Variants in STRN4 observed in about 807,000 individuals in gnomAD.
STRN4 encodes striatin 4, also known as striatin-4.
STRN4 carries 27 observed loss-of-function variants against 77.9 expected under a neutral mutation model. The observed-to-expected ratio is 0.35, with a 90% CI of 0.26 to 0.48. STRN4 has a LOEUF of 0.48. Among genes scored for constraint, STRN4 ranks in the 20% least tolerant of loss-of-function variants. The pLI, the probability that STRN4 is intolerant of heterozygous loss-of-function variation, is 0.99. For synonymous variants in STRN4, 466 were observed against 443.1 expected, an observed-to-expected ratio of 1.05 and a Z score of -0.65; for missense variants, 798 against 1,049.7, an observed-to-expected ratio of 0.76 and a Z score of 3.31.
chr19:46,727,443 A>G lies in STRN4; in HGVS notation c.1248+9T>C. ...TGGGGACAGTGTGGGGGGCACCCGGAGAACTTACATCGCAGCTGAGGTCGT... is the reference window on the plus strand; with the variant it reads ...TGGGGACAGTGTGGGGGGCACCCGGGGAACTTACATCGCAGCTGAGGTCGT... On this transcript the variant is annotated intron_variant, in intron 9 of 17. Transcript: ENST00000263280. The G allele has an allele frequency of 6.2e-7, 1 of 1,612,162 alleles. No individual in the cohort carries two copies. Among genetic ancestry groups the G allele is most frequent in the South Asian group, 1.1e-5 (1 of 90,878 alleles).
At chr19:46,744,549 A>G (rs561680355) in intron 1 of STRN4, among the ~76,000 whole-genome samples, 1 of 151,964 alleles carries the variant, frequency 6.6e-6, no homozygotes, top group Non-Finnish European at 1.5e-5. Context: ...ACACCCGGCT[A>G]ATTTTTGTAC....
chr19:46,736,315 T>A (rs2054361461), intron 4 of STRN4: 2 of 152,244 alleles, frequency 1.3e-5, no homozygotes, highest in Middle Eastern at 3.4e-3. Context: ...AAGAATTTGC[T>A]GGTCCAAACA....
rs745682708 is a variant in STRN4, at chr19:46,741,649, G to A, written c.283-2761C>T. On this transcript the variant is annotated intron_variant, in intron 1 of 17. Transcript: ENST00000263280. This position sits in a 1 kb window ranked among gnomAD's most constrained non-coding sequence, Gnocchi z 4.9. ...ACTGCCACTCCCTCTAGCCAGAGCC[G>A]CAGAGCATGCGCTCCCAAAACCTTC... is the stretch of plus-strand genomic sequence containing the variant. Among the ~76,000 whole-genome samples the A allele has an allele frequency of 1.3e-5, 2 of 152,184 alleles. No homozygotes were observed. Among genetic ancestry groups the A allele is most frequent in the Admixed American group, 6.5e-5 (1 of 15,270 alleles).
chr19:46,736,385 CCCCACTT>C (rs1284838224), intron 4 of STRN4: 1 of 153,248 alleles, frequency 6.5e-6, no homozygotes, highest in African/African-American at 2.4e-5. Context: ...TCTGCCTTCT[CCCCACTT>C]CCCACTACTG....
In STRN4 at chr19:46,719,879, C is replaced by T. The variant is rs1425290814; in HGVS notation, c.*526G>A. 2 of 152,198 alleles carry T rather than the reference C, an allele frequency of 1.3e-5. No individual in the cohort carries two copies. The highest frequency in any genetic ancestry group is 3.9e-4 in the East Asian group (2 of 5,166). The allele number at this position is 152,198 out of a possible 1,614,324, so 9.4% of individuals were successfully genotyped here. A position where few individuals can be genotyped will look rare whatever the true frequency, so the allele number is the denominator to read the frequency against. ...CCTAGGAGTGTTGGGCAATCCCTGGCCTGGAAGCCTTGGTTAGTGTCTGGA... is the reference window on the plus strand; with the variant it reads ...CCTAGGAGTGTTGGGCAATCCCTGGTCTGGAAGCCTTGGTTAGTGTCTGGA... On this transcript the variant is annotated 3_prime_UTR_variant, in exon 18 of 18. Coordinates refer to ENST00000263280, the MANE Select transcript of STRN4 (RefSeq NM_013403.3).
chr19:46,729,184 G>A (rs551373696), intron 6 of STRN4, among the ~76,000 whole-genome samples: 2 of 152,336 alleles, frequency 1.3e-5, no homozygotes, highest in South Asian at 4.1e-4. Context: ...AGCACCAGCA[G>A]CCGTGCTGGC....
At chr19:46,736,744 A>C in intron 4 of STRN4, 79 bp downstream of exon 4, 1 of 1,399,806 alleles carries the variant, frequency 7.1e-7, no homozygotes, top group Non-Finnish European at 1.0e-6. Context: ...GGGACGGAAA[A>C]GGACTGTGGA....
Position 46,723,614 on chromosome 19 carries a change from C to T in STRN4, c.1595-330G>A, listed in dbSNP as rs1035806675. 2.0e-5 allele frequency among the ~76,000 whole-genome samples: 3 copies of T among 152,232 alleles called. No homozygotes were observed. Among genetic ancestry groups the T allele is most frequent in the African/African-American group, 4.8e-5 (2 of 41,466 alleles). On this transcript the variant is annotated intron_variant, in intron 12 of 17. Coordinates refer to ENST00000263280, the MANE Select transcript of STRN4 (RefSeq NM_013403.3). This position sits in a 1 kb window ranked among gnomAD's most constrained non-coding sequence, Gnocchi z 5.5. ...TTAAGGAAGAAGGAACAGCATGGTTCTGTGGCCCCAGGAGCGGCACGCAGC... is the reference window on the plus strand; with the variant it reads ...TTAAGGAAGAAGGAACAGCATGGTTTTGTGGCCCCAGGAGCGGCACGCAGC...
At chr19:46,727,078 A>G (rs1161823737) in intron 9 of STRN4, among the ~76,000 whole-genome samples, 1 of 151,782 alleles carries the variant, frequency 6.6e-6, no homozygotes, top group African/African-American at 2.4e-5. Context: ...CAGCTGGCCA[A>G]AGGCTCCCAG....
In STRN4 at chr19:46,720,591, C is replaced by G; in HGVS notation, c.*11G>C. 9 of 1,557,724 alleles carry G rather than the reference C, an allele frequency of 5.8e-6. No individual in the cohort carries two copies. Among genetic ancestry groups the G allele is most frequent in the Non-Finnish European group, 7.0e-6 (8 of 1,146,632 alleles). On this transcript the variant is annotated 3_prime_UTR_variant, in exon 17 of 18. Coordinates refer to ENST00000263280, the MANE Select transcript of STRN4 (RefSeq NM_013403.3). Reference sequence around the variant, plus strand: ...AGCCAGCGTGGCGGCCAGGGCAGGGCCAGGTGGGCATCATACGAAGACCTT... The same window carrying G: ...AGCCAGCGTGGCGGCCAGGGCAGGGGCAGGTGGGCATCATACGAAGACCTT...
At position 46,726,451 on chromosome 19, in the gene STRN4, C is replaced by T. The variant is rs1448085985; in HGVS notation, c.1249-803G>A. Among the ~76,000 whole-genome samples, 7 of 149,728 alleles carry T rather than the reference C, an allele frequency of 4.7e-5. No homozygotes were observed. The East Asian group carries it at 1.4e-3, about 29-fold the overall frequency. ...TTTGACCCCAGGAGTTCGAGACCAG[C>T]CTGGGTAACATAGGGAGATCCCCTC... is the stretch of plus-strand genomic sequence containing the variant. On this transcript the variant is annotated intron_variant, in intron 9 of 17. Transcript: ENST00000263280.
intron 16 of STRN4, chr19:46,721,781 C>G: frequency 5.3e-6 from 3 of 566,646 alleles, no homozygotes; most frequent in Non-Finnish European, 9.5e-6. Context: ...GCTTAGAGGC[C>G]GAATGAGACG....
chr19:46,744,016 C>T (rs1000125064), intron 1 of STRN4, among the ~76,000 whole-genome samples: 1 of 152,084 alleles, frequency 6.6e-6, no homozygotes, highest in Non-Finnish European at 1.5e-5. Flanking sequence ...CTCTCAAAAC[C>T]TCCATTTCCT....
intron 1 of STRN4, among the ~76,000 whole-genome samples, chr19:46,742,707 C>T (rs746910550): frequency 2.8e-4 from 42 of 152,182 alleles, no homozygotes; most frequent in Non-Finnish European, 5.0e-4. Context: ...GGACTACAGG[C>T]GCCCACCACC....
chr19:46,732,664 A>T (rs1178195638), intron 5 of STRN4: 1 of 217,572 alleles, frequency 4.6e-6, no homozygotes, highest in Admixed American at 5.4e-5. Context: ...TTAACTGACA[A>T]TTGCTGATGA....
At chr19:46,722,568 G>A (rs1261361968) in intron 14 of STRN4, among the ~76,000 whole-genome samples, 3 of 152,160 alleles carry the variant, frequency 2.0e-5, no homozygotes, top group East Asian at 1.9e-4. Flanking sequence ...AACACATTCC[G>A]CCACTCTACC....
rs1000441670 is a variant in STRN4 at position 46,733,662 on chromosome 19, G to A, written c.540-426C>T. 6.6e-6 allele frequency among the ~76,000 whole-genome samples: 1 copy of A among 152,114 alleles called. No homozygotes were observed. Among genetic ancestry groups the A allele is most frequent in the Admixed American group, 6.6e-5 (1 of 15,258 alleles). ...TGTTTGTAGAAAAAAACAAAAAGGC[G>A]TTAATGTGCATAAAGCTTACACCAC... On this transcript the variant is annotated intron_variant, in intron 4 of 17. Transcript: ENST00000263280. This position sits in a 1 kb window ranked among gnomAD's most constrained non-coding sequence, Gnocchi z 4.3.
At position 46,733,005 on chromosome 19, in the gene STRN4, C is replaced by G. The variant is rs779107405; in HGVS notation, c.737+34G>C. The stretch of plus-strand genomic sequence containing the variant: ...GGCCTTCACCAGCAGTCAGGAGGAA[C>G]AGAGAGACACACCTGCCATGTCCAC... On this transcript the variant is annotated intron_variant, in intron 5 of 17. Transcript: ENST00000263280. This position sits in a 1 kb window ranked among gnomAD's most constrained non-coding sequence, Gnocchi z 4.3. 20 of 1,585,372 alleles carry G rather than the reference C, an allele frequency of 1.3e-5. No individual in the cohort carries two copies. The South Asian group carries it at 1.6e-4, about 12-fold the overall frequency.
At chr19:46,720,422 G>C (rs1489612209) in intron 17 of STRN4, 84 bp from the exon 18 acceptor site, 3 of 742,096 alleles carry the variant, frequency 4.0e-6, no homozygotes, top group Non-Finnish European at 5.7e-6. Flanking sequence ...GCATGCCCAG[G>C]GCTCCCCCAG....
Sources: gnomAD v4.1 joint callset for allele counts (sites outside exome capture counted in the v4.1 genomes callset) on GRCh38, gnomAD v4.1.1 for gene constraint, Gnocchi (gnomAD v3.1) non-coding constraint, MANE v1.5 for transcripts, NCBI Gene and HGNC (gene_info 2026-07-23, HGNC 2026-07-21) for gene names.